Variants in RSBN1 observed in about 807,000 individuals in gnomAD.
RSBN1 encodes round spermatid basic protein 1, also known as lysine-specific demethylase 9.
Under a neutral mutation model 74.8 loss-of-function variants are expected in RSBN1, and 23 were observed. That is an observed-to-expected ratio of 0.31 (90% CI 0.22 to 0.44). RSBN1 has a LOEUF of 0.44. RSBN1 is among the 20% of genes least tolerant of loss of function. The probability of loss-of-function intolerance (pLI) is 1.00; values close to 1 mark genes in which losing one functional copy is unlikely to be tolerated. For synonymous variants in RSBN1, 407 were observed against 379.6 expected (o/e 1.07, Z -0.84); for missense variants, 808 against 1,020.9 (o/e 0.79, Z 2.84).
chr1:113,807,685 C>T (rs1336477114), intron 1 of RSBN1, among the ~76,000 whole-genome samples: 2 of 151,490 alleles, frequency 1.3e-5, no homozygotes, highest in Non-Finnish European at 2.9e-5. Flanking sequence ...CGCTTGAACC[C>T]GGGAGGCAGA....
intron 1 of RSBN1, among the ~76,000 whole-genome samples, chr1:113,801,150 T>G (rs1319609678): frequency 6.6e-6 from 1 of 151,860 alleles, no homozygotes; most frequent in Non-Finnish European, 1.5e-5. Flanking sequence ...CCCGGCTAAT[T>G]TTTTGTATTT....
At chr1:113,779,723 TAAG>T (rs933300776) in intron 2 of RSBN1, among the ~76,000 whole-genome samples, 2 of 152,034 alleles carry the variant, frequency 1.3e-5, no homozygotes, top group African/African-American at 4.8e-5. Context: ...TTAGGGGTAA[TAAG>T]AAATTATCAG....
In RSBN1 at chr1:113,762,732, T is replaced by G. The variant is rs1044143557; in HGVS notation, c.*3248A>C. Reference sequence around the variant, plus strand: ...AGCTTTCATTCTAGACAATTAATATTTATATAGGGAAAGGCAATAAGCAAG... The same window carrying G: ...AGCTTTCATTCTAGACAATTAATATGTATATAGGGAAAGGCAATAAGCAAG... On this transcript the variant is annotated 3_prime_UTR_variant, in exon 7 of 7. Coordinates refer to ENST00000261441, the MANE Select transcript of RSBN1 (RefSeq NM_018364.5). 6.5e-6 allele frequency: 1 copy of G among 152,770 alleles called. No homozygotes were observed. Among genetic ancestry groups the G allele is most frequent in the African/African-American group, 2.4e-5 (1 of 41,454 alleles). The allele number at this position is 152,770 out of a possible 1,614,324, so 9.5% of individuals were successfully genotyped here.
chr1:113,804,907 T>A (rs1328152442), intron 1 of RSBN1, among the ~76,000 whole-genome samples: 89 of 131,416 alleles, frequency 6.8e-4, no homozygotes, highest in Non-Finnish European at 7.0e-4. Flanking sequence ...TGGTCAAGAG[T>A]AAAAAAAAAA....
rs760944165 is a variant in RSBN1 at position 113,767,193 on chromosome 1, C to T, written c.1841G>A (p.Arg614His). 3 of 1,607,700 alleles carry T rather than the reference C, an allele frequency of 1.9e-6. No individual in the cohort carries two copies. Among genetic ancestry groups the T allele is most frequent in the Non-Finnish European group, 2.6e-6 (3 of 1,176,056 alleles). Residue 614 changes from arginine (R) to histidine (H), a missense_variant, in exon 6 of 7, where the codon CGC (arginine) becomes CAC (histidine). Coordinates refer to ENST00000261441, the MANE Select transcript of RSBN1 (RefSeq NM_018364.5). ...VQFGEWSDQP[R>H]ITKDVICFHA... ...AAAACAAATCACATCTTTGGTTATG[C>T]GAGGTTGGTCACTCCTAAGATTAAC...
chr1:113,794,552 G>A (rs1246378794), intron 2 of RSBN1, among the ~76,000 whole-genome samples: 15 of 152,162 alleles, frequency 9.9e-5, no homozygotes, highest in Middle Eastern at 3.4e-3. Context: ...TCTAAGTGCC[G>A]CATTCTCAAA....
intron 2 of RSBN1, among the ~76,000 whole-genome samples, chr1:113,792,629 A>C (rs1039391245): frequency 9.9e-5 from 15 of 152,228 alleles, no homozygotes; most frequent in African/African-American, 3.6e-4. Flanking sequence ...AGCACCTGAA[A>C]GCGAAGAACA....
In RSBN1 at chr1:113,811,786, G is replaced by C; in HGVS notation, c.627C>G (p.Thr209=). 1 of 1,613,678 alleles carries C rather than the reference G, an allele frequency of 6.2e-7. No homozygotes were observed. Among genetic ancestry groups the C allele is most frequent in the South Asian group, 1.1e-5 (1 of 91,052 alleles). The stretch of plus-strand genomic sequence containing the variant: ...CCTGCTTGTCCTTGTGCTTGAGATC[G>C]GTTCCGCAGGAGCTGGGATCACCAT... The part of the protein sequence containing the change: ...GPDGDPSSCG[T]DLKHKDKQEN... Residue 209 remains threonine, a synonymous_variant, in exon 1 of 7, where the codon ACC becomes ACG. Coordinates refer to ENST00000261441, the MANE Select transcript of RSBN1 (RefSeq NM_018364.5).
intron 2 of RSBN1, 58 bp downstream of exon 2, chr1:113,797,305 G>C: frequency 7.4e-7 from 1 of 1,344,408 alleles, no homozygotes; most frequent in Non-Finnish European, 1.0e-6. Flanking sequence ...GCGACAGAAA[G>C]AGGTTAATTC....
At chr1:113,777,917 G>T in intron 2 of RSBN1, 109 bp from the exon 3 acceptor site, 1 of 1,021,462 alleles carries the variant, frequency 9.8e-7, no homozygotes, top group Non-Finnish European at 1.3e-6. Context: ...TACAAACTAA[G>T]AACTGAATGG....
At chr1:113,801,934 A>G (rs1042822227) in intron 1 of RSBN1, among the ~76,000 whole-genome samples, 1 of 152,086 alleles carries the variant, frequency 6.6e-6, no homozygotes, top group Non-Finnish European at 1.5e-5. Context: ...TCATTAATGC[A>G]AAAAAACAGC....
At chr1:113,786,701 T>C (rs1380459723) in intron 2 of RSBN1, among the ~76,000 whole-genome samples, 2 of 152,200 alleles carry the variant, frequency 1.3e-5, no homozygotes, top group Admixed American at 6.5e-5. Context: ...CCAGGTACTG[T>C]GGCACACACC....
chr1:113,766,231 T>C lies in RSBN1; in HGVS notation c.2158A>G (p.Met720Val), dbSNP rs1477478576. The change falls in exon 7 of 7, where the codon ATG (methionine) becomes GTG (valine). Residue 720 changes from methionine (M) to valine (V), a missense_variant. Met to Val is a conservative substitution (Grantham distance 21, BLOSUM62 1). Coordinates refer to ENST00000261441, the MANE Select transcript of RSBN1 (RefSeq NM_018364.5). ...ATQNTESNSN[M>V]DCGLTGKREL... ...CGCTTTCCAGTTAAACCACAGTCCA[T>C]GTTAGAATTGCTTTCTGTGTTTTGA... 1.9e-6 allele frequency: 3 copies of C among 1,614,116 alleles called. No homozygotes were observed. Among genetic ancestry groups the C allele is most frequent in the East Asian group, 2.2e-5 (1 of 44,886 alleles).
chr1:113,805,709 C>T (rs1431616030), intron 1 of RSBN1, among the ~76,000 whole-genome samples: 2 of 152,160 alleles, frequency 1.3e-5, no homozygotes, highest in Non-Finnish European at 2.9e-5. Flanking sequence ...TTTGTTTCAA[C>T]TGTTTATGAA....
At chr1:113,772,151 G>T (rs936036947) in intron 4 of RSBN1, among the ~76,000 whole-genome samples, 1 of 152,072 alleles carries the variant, frequency 6.6e-6, no homozygotes, top group Non-Finnish European at 1.5e-5. Context: ...GACAAGGCAT[G>T]TAAGACCTAA....
At chr1:113,792,093 T>C (rs951511338) in intron 2 of RSBN1, among the ~76,000 whole-genome samples, 9 of 152,174 alleles carry the variant, frequency 5.9e-5, no homozygotes, top group Non-Finnish European at 1.2e-4. Context: ...GAAATAAAAC[T>C]ACCTAAAGTT....
intron 1 of RSBN1, among the ~76,000 whole-genome samples, chr1:113,811,179 C>T (rs1466644557): frequency 6.6e-6 from 1 of 152,184 alleles, no homozygotes; most frequent in Non-Finnish European, 1.5e-5. Context: ...ATGATTTTTA[C>T]CTCTAGATTA....
chr1:113,792,243 A>G (rs1660381161), intron 2 of RSBN1, among the ~76,000 whole-genome samples: 1 of 152,200 alleles, frequency 6.6e-6, no homozygotes, highest in African/African-American at 2.4e-5. Flanking sequence ...ACATCCTTCA[A>G]TTACTTAGTT....
In RSBN1 at chr1:113,764,466, T is replaced by G. The variant is rs923521284; in HGVS notation, c.*1514A>C. 1 of 152,698 alleles carries G rather than the reference T, an allele frequency of 6.5e-6. No homozygotes were observed. Among genetic ancestry groups the G allele is most frequent in the African/African-American group, 2.4e-5 (1 of 41,452 alleles). The allele number at this position is 152,698 out of a possible 1,614,324, so 9.5% of individuals were successfully genotyped here. On this transcript the variant is annotated 3_prime_UTR_variant, in exon 7 of 7. Coordinates refer to ENST00000261441, the MANE Select transcript of RSBN1 (RefSeq NM_018364.5). ...CAGTGACCTCTATACTTTGCTAATA[T>G]GCATTTAACTACACAACAATATTGC...
Sources: gnomAD v4.1 joint callset for allele counts (sites outside exome capture counted in the v4.1 genomes callset) on GRCh38, gnomAD v4.1.1 for gene constraint, MANE v1.5 for transcripts, NCBI Gene and HGNC (gene_info 2026-07-23, HGNC 2026-07-21) for gene names.